CDK13: variants seen among roughly 807,000 people sequenced by gnomAD.
CDK13 encodes the protein cyclin dependent kinase 13.
A neutral mutation model predicts 137.6 loss-of-function variants in CDK13; 40 were observed. The observed-to-expected ratio is 0.29, with a 90% CI of 0.23 to 0.38. CDK13 has a LOEUF of 0.38. Among genes scored for constraint, CDK13 ranks in the 10% least tolerant of loss-of-function variants. The pLI is 1.00. For synonymous variants in CDK13, 869 were observed against 760.1 expected, an observed-to-expected ratio of 1.14 and a Z score of -2.36; for missense variants, 1,704 against 1,951.8, an observed-to-expected ratio of 0.87 and a Z score of 2.39.
At chr7:40,070,816 T>C (rs1786404801) in intron 9 of CDK13, 1 of 152,150 alleles carries the variant, frequency 6.6e-6, no homozygotes, top group Admixed American at 6.6e-5. Flanking sequence ...GCCATATATA[T>C]ATATATATAT....
chr7:40,063,744 G>C (rs1315057894), intron 9 of CDK13, among the ~76,000 whole-genome samples: 1 of 151,962 alleles, frequency 6.6e-6, no homozygotes, highest in African/African-American at 2.4e-5. Flanking sequence ...TGCAACTTCT[G>C]CCTCCTGGGT....
Position 39,951,551 on chromosome 7 carries a change from A to G in CDK13, c.910A>G (p.Lys304Glu). 3 of 1,539,116 alleles carry G rather than the reference A, an allele frequency of 1.9e-6. No individual in the cohort carries two copies. Among genetic ancestry groups the G allele is most frequent in the African/African-American group, 1.4e-5 (1 of 71,554 alleles). Reference sequence around the variant, plus strand: ...ACCGCCCAAGGCCTACCGGGAGGACAAGACCGAGCCTAAGGCCTACAGGCG... The same window carrying G: ...ACCGCCCAAGGCCTACCGGGAGGACGAGACCGAGCCTAAGGCCTACAGGCG... ...KEPPKAYREDKTEPKAYRRRR... is the reference protein window; with the variant it reads ...KEPPKAYREDETEPKAYRRRR... Residue 304 changes from lysine (K) to glutamate (E), a missense_variant, in exon 1 of 14, where the codon AAG becomes GAG. Around this residue, in one of 5 missense-constraint regions of CDK13, gnomAD observed 1,051 missense variants for 931.0 expected, o/e 1.13. Coordinates refer to ENST00000181839, the MANE Select transcript of CDK13 (RefSeq NM_003718.5).
chr7:40,019,750 G>A (rs1026640696), intron 5 of CDK13, among the ~76,000 whole-genome samples: 4 of 152,148 alleles, frequency 2.6e-5, no homozygotes, highest in Non-Finnish European at 4.4e-5. Context: ...GATTTTGGCA[G>A]AATGACAAAA....
chr7:39,991,640 G>A (rs1478018581), intron 2 of CDK13, among the ~76,000 whole-genome samples: 3 of 152,030 alleles, frequency 2.0e-5, no homozygotes, highest in Non-Finnish European at 4.4e-5. Context: ...AAATATTCAA[G>A]CACTTAGAAA....
intron 5 of CDK13, among the ~76,000 whole-genome samples, chr7:40,005,220 T>C (rs1043088154): frequency 2.6e-5 from 4 of 151,488 alleles, no homozygotes; most frequent in African/African-American, 9.7e-5. Context: ...TTTTTAAAAC[T>C]TAGCTTTACT....
intron 2 of CDK13, among the ~76,000 whole-genome samples, chr7:39,997,262 A>G (rs1380249463): frequency 7.2e-5 from 11 of 152,150 alleles, no homozygotes; most frequent in Admixed American, 7.2e-4. Flanking sequence ...TTCCTACTTT[A>G]TACAGATTTC....
chr7:39,964,532 T>C (rs1783823954), intron 1 of CDK13, among the ~76,000 whole-genome samples: 1 of 152,116 alleles, frequency 6.6e-6, no homozygotes, highest in Non-Finnish European at 1.5e-5. Flanking sequence ...TTAGTCTTGC[T>C]AGCGGTCTGT....
intron 13 of CDK13, among the ~76,000 whole-genome samples, chr7:40,093,921 A>T (rs1160112753): frequency 7.1e-6 from 1 of 140,976 alleles, no homozygotes; most frequent in East Asian, 2.0e-4. Flanking sequence ...AAAAAAAAAA[A>T]AATTTTTTTT....
intron 1 of CDK13, among the ~76,000 whole-genome samples, chr7:39,964,357 T>C (rs1783820046): frequency 6.6e-6 from 1 of 152,234 alleles, no homozygotes; most frequent in South Asian, 2.1e-4. Flanking sequence ...GGAGGGTGTA[T>C]GTGTCCAGGA....
chr7:40,018,542 T>C (rs1182279461), intron 5 of CDK13, among the ~76,000 whole-genome samples: 7 of 151,936 alleles, frequency 4.6e-5, no homozygotes, highest in Non-Finnish European at 5.9e-5. Flanking sequence ...ATAAAGAAAA[T>C]GTGGTTTGTA....
chr7:40,060,253 T>C (rs1288751757), intron 7 of CDK13, among the ~76,000 whole-genome samples: 1 of 152,206 alleles, frequency 6.6e-6, no homozygotes, highest in Non-Finnish European at 1.5e-5. Context: ...ATACTTTTAA[T>C]TTTTAAGATT....
intron 1 of CDK13, among the ~76,000 whole-genome samples, chr7:39,982,528 C>T (rs947846674): frequency 2.6e-5 from 4 of 151,732 alleles, no homozygotes; most frequent in African/African-American, 9.7e-5. Context: ...TGGGTATATA[C>T]CCAGTAATGG....
At chr7:39,987,547 C>T in intron 1 of CDK13, 52 bp from the exon 2 acceptor site, 2 of 1,415,266 alleles carry the variant, frequency 1.4e-6, no homozygotes, top group Admixed American at 2.5e-5. Context: ...TTTGTAAATT[C>T]CAAACTGAAC....
chr7:40,063,554 C>T (rs1786203482), intron 9 of CDK13, among the ~76,000 whole-genome samples: 2 of 152,104 alleles, frequency 1.3e-5, no homozygotes, highest in African/African-American at 4.8e-5. Context: ...CATGCATATA[C>T]CCCCTAGCGT....
chr7:40,094,633 G>A lies in CDK13; in HGVS notation c.4192G>A (p.Glu1398Lys). 1 of 1,614,096 alleles carries A rather than the reference G, an allele frequency of 6.2e-7. No individual in the cohort carries two copies. The highest frequency in any genetic ancestry group is 8.5e-7 in the Non-Finnish European group (1 of 1,179,998). ...GGPPQPSAFS[E>K]SFPSSVAGYG... The stretch of plus-strand genomic sequence containing the variant: ...TCCACCTCAGCCTTCTGCCTTTTCT[G>A]AGTCATTTCCCAGTTCAGTAGCTGG... The change falls in exon 14 of 14, where the codon GAG becomes AAG. Residue 1398 changes from glutamate (E) to lysine (K), a missense_variant. By Grantham distance (56) the Glu-to-Lys change is moderately conservative. Coordinates refer to ENST00000181839, the MANE Select transcript of CDK13 (RefSeq NM_003718.5).
At chr7:40,089,717 AGAGAGAGT>A (rs1175863703) in intron 12 of CDK13, among the ~76,000 whole-genome samples, 36 of 143,052 alleles carry the variant, frequency 2.5e-4, no homozygotes, top group African/African-American at 9.0e-4. Flanking sequence ...AGAGAGAGAG[AGAGAGAGT>A]GTGTGTGTGT....
intron 1 of CDK13, among the ~76,000 whole-genome samples, chr7:39,961,402 C>A (rs920238056): frequency 6.6e-6 from 1 of 152,110 alleles, no homozygotes; most frequent in Non-Finnish European, 1.5e-5. Flanking sequence ...ATATGCAGTG[C>A]ATTATTGTAG....
At position 39,951,549 on chromosome 7, in the gene CDK13, A is replaced by C. The variant is rs1045423416; in HGVS notation, c.908A>C (p.Asp303Ala). The change falls in exon 1 of 14, where the codon GAC (aspartate) becomes GCC (alanine). Residue 303 changes from aspartate (D) to alanine (A), a missense_variant. Physicochemically the swap from Asp to Ala is moderately radical, Grantham distance 126. Around this residue, in one of 5 missense-constraint regions of CDK13, gnomAD observed 1,051 missense variants for 931.0 expected, o/e 1.13. Coordinates refer to ENST00000181839, the MANE Select transcript of CDK13 (RefSeq NM_003718.5). ...GAACCGCCCAAGGCCTACCGGGAGG[A>C]CAAGACCGAGCCTAAGGCCTACAGG... is the stretch of plus-strand genomic sequence containing the variant. ...YKEPPKAYRE[D>A]KTEPKAYRRR... is the part of the protein sequence containing the mutation. 1 of 1,538,848 alleles carries C rather than the reference A, an allele frequency of 6.5e-7. No homozygotes were observed. The highest frequency in any genetic ancestry group is 8.7e-7 in the Non-Finnish European group (1 of 1,145,380).
At chr7:40,040,258 G>T (rs1785577204) in intron 5 of CDK13, among the ~76,000 whole-genome samples, 1 of 151,978 alleles carries the variant, frequency 6.6e-6, no homozygotes, top group Non-Finnish European at 1.5e-5. Flanking sequence ...TCTTTTTCTG[G>T]CTATTCAGTT....
Sources: allele counts gnomAD v4.1 joint callset (sites outside exome capture counted in the v4.1 genomes callset), GRCh38; gene constraint gnomAD v4.1.1; regional missense constraint gnomAD v4.1.1; transcripts MANE v1.5; gene names NCBI Gene and HGNC (gene_info 2026-07-23, HGNC 2026-07-21).